The following SMAD5 variants were observed in gnomAD, a reference collection of about 807,000 sequenced individuals.
SMAD5 encodes the protein SMAD family member 5.
Under a neutral mutation model 43.1 loss-of-function variants are expected in SMAD5, and 9 were observed. The ratio of observed to expected loss-of-function variants is 0.21; its 90% confidence interval spans 0.13 to 0.36. SMAD5 has a LOEUF of 0.36. Ranked by LOEUF, SMAD5 falls within the 10% of genes least tolerant of loss-of-function variation. The pLI, the probability that SMAD5 is intolerant of heterozygous loss-of-function variation, is 1.00. For missense variants in SMAD5, 348 were observed against 574.0 expected, an observed-to-expected ratio of 0.61 and a Z score of 4.02; for synonymous variants, 190 against 192.4, an observed-to-expected ratio of 0.99 and a Z score of 0.10.
chr5:136,172,846 AG>A, intron 6 of SMAD5, 191 bp downstream of exon 6: 1 of 574,158 alleles, frequency 1.7e-6, no homozygotes, highest in African/African-American at 1.9e-5. Flanking sequence ...TGTCCTGCTT[AG>A]TGTTTCTTCC....
rs1354191282 is a variant in SMAD5 at position 136,179,487 on chromosome 5, G to A, written c.*2007G>A. On this transcript the variant is annotated 3_prime_UTR_variant, in exon 8 of 8. Transcript: ENST00000545279. ...TGTGAAGAAAAAAAAAAGCATTTTC[G>A]AGGAAAGAATTATGCAATTTCTTTT... The A allele has an allele frequency of 2.0e-5, 3 of 152,030 alleles. No homozygotes were observed. Among genetic ancestry groups the A allele is most frequent in the Admixed American group, 6.6e-5 (1 of 15,206 alleles). 9.4% of individuals were successfully genotyped at this position (152,030 alleles called of 1,614,324 possible). A position where few individuals can be genotyped will look rare whatever the true frequency, so the allele number is the denominator to read the frequency against.
At chr5:136,157,434 ATATT>A (rs1313385968) in intron 3 of SMAD5, among the ~76,000 whole-genome samples, 1 of 152,134 alleles carries the variant, frequency 6.6e-6, no homozygotes, top group Non-Finnish European at 1.5e-5. Flanking sequence ...CAAGCACATT[ATATT>A]TATTGTGCAC....
rs567786783 is a variant in SMAD5, at chr5:136,151,692, G to A, written c.-169-1900G>A. Among the ~76,000 whole-genome samples the A allele has an allele frequency of 2.0e-4, 31 of 151,942 alleles. 1 individual carries two copies. The South Asian group carries it at 5.4e-3, about 26-fold the overall frequency. On this transcript the variant is annotated intron_variant, in intron 2 of 7. Transcript: ENST00000545279. ...CATACACATACTCTCTCACACATAC[G>A]TACACTACCCTATCTAGCCCCCCAT...
At chr5:136,155,576 A>G (rs1753607562) in intron 3 of SMAD5, among the ~76,000 whole-genome samples, 1 of 152,172 alleles carries the variant, frequency 6.6e-6, no homozygotes, top group South Asian at 2.1e-4. Context: ...ACACTTAAAG[A>G]GATTTCTGTA....
At chr5:136,137,497 A>G (rs1473355333) in intron 1 of SMAD5, among the ~76,000 whole-genome samples, 1 of 152,118 alleles carries the variant, frequency 6.6e-6, no homozygotes, top group African/African-American at 2.4e-5. Context: ...ACATCTTTCA[A>G]ATTTAACTAT....
intron 1 of SMAD5, among the ~76,000 whole-genome samples, chr5:136,142,885 C>T (rs893299346): frequency 6.6e-6 from 1 of 152,086 alleles, no homozygotes; most frequent in African/African-American, 2.4e-5. Context: ...TTCCATTACT[C>T]TCTAAGATCT....
chr5:136,176,457 CAAAAAAAAA>C (rs60311104), intron 7 of SMAD5, among the ~76,000 whole-genome samples: 7 of 68,510 alleles, frequency 1.0e-4, no homozygotes, highest in South Asian at 1.5e-3. Flanking sequence ...CTCTGTCTCA[CAAAAAAAAA>C]AAAAAAAAAA....
chr5:136,169,938 A>G lies in SMAD5; in HGVS notation c.776-2496A>G, dbSNP rs115167787. Among the ~76,000 whole-genome samples the G allele has an allele frequency of 3.4e-3, 515 of 152,314 alleles. 8 individuals are homozygous for G. Among genetic ancestry groups the G allele is most frequent in the African/African-American group, 0.012 (479 of 41,562 alleles). ...AGTCTGTGGTGGGCTCCCTACTCATATCTTTTGCCATACTTTAATCAGATT... is the reference window on the plus strand; with the variant it reads ...AGTCTGTGGTGGGCTCCCTACTCATGTCTTTTGCCATACTTTAATCAGATT... On this transcript the variant is annotated intron_variant, in intron 5 of 7. Coordinates refer to ENST00000545279, the MANE Select transcript of SMAD5 (RefSeq NM_005903.7).
intron 1 of SMAD5, chr5:136,147,340 A>T (rs188679055): frequency 5.9e-5 from 9 of 151,990 alleles, no homozygotes; most frequent in Non-Finnish European, 1.3e-4. Context: ...TGGTATAAAA[A>T]TAAGTTTGAA....
Position 136,165,683 on chromosome 5 carries a change from T to A in SMAD5, c.775+2292T>A, listed in dbSNP as rs1192657038. Among the ~76,000 whole-genome samples, 18 of 142,620 alleles carry A rather than the reference T, an allele frequency of 1.3e-4. No individual in the cohort carries two copies. The South Asian group carries it at 1.6e-3, about 13-fold the overall frequency. 93.6% of individuals were successfully genotyped at this position (142,620 alleles called of 152,430 possible). On this transcript the variant is annotated intron_variant, in intron 5 of 7. Coordinates refer to ENST00000545279, the MANE Select transcript of SMAD5 (RefSeq NM_005903.7). ...TACAATTTTTTTTTTTTTTTTTTTT[T>A]TTTTTTTTTTTTTTTTGTGACTGGC...
rs1024999586 is a variant in SMAD5, at chr5:136,180,573, G to C, written c.*3093G>C. ...GTCTGGTCAGTATTGCCTGGCTGAC[G>C]TGAAATGTAAACTAGTAGGCGTGTT... On this transcript the variant is annotated 3_prime_UTR_variant, in exon 8 of 8. Coordinates refer to ENST00000545279, the MANE Select transcript of SMAD5 (RefSeq NM_005903.7). 1 of 152,130 alleles carries C rather than the reference G, an allele frequency of 6.6e-6. No individual in the cohort carries two copies. The highest frequency in any genetic ancestry group is 6.5e-5 in the Admixed American group (1 of 15,282). The allele number at this position is 152,130 out of a possible 1,614,324, so 9.4% of individuals were successfully genotyped here.
Position 136,147,105 on chromosome 5 carries a change from G to C in SMAD5, c.-244-727G>C, listed in dbSNP as rs1753284431. Among the ~76,000 whole-genome samples the C allele has an allele frequency of 2.0e-5, 3 of 151,480 alleles. No homozygotes were observed. The South Asian group carries it at 6.2e-4, about 31-fold the overall frequency. ...TAAGGAAAAATATTTTTTAAAAAGTGGTACATTGTCTCATCATTTCTGAGA... is the reference window on the plus strand; with the variant it reads ...TAAGGAAAAATATTTTTTAAAAAGTCGTACATTGTCTCATCATTTCTGAGA... On this transcript the variant is annotated intron_variant, in intron 1 of 7. Coordinates refer to ENST00000545279, the MANE Select transcript of SMAD5 (RefSeq NM_005903.7).
chr5:136,136,896 C>T (rs529786688), intron 1 of SMAD5, among the ~76,000 whole-genome samples: 1 of 152,150 alleles, frequency 6.6e-6, no homozygotes, highest in African/African-American at 2.4e-5. Flanking sequence ...GGAGTTTCAC[C>T]TCGTTGGCCA....
chr5:136,161,572 C>T (rs537952417), intron 4 of SMAD5, among the ~76,000 whole-genome samples: 90 of 152,314 alleles, frequency 5.9e-4, no homozygotes, highest in South Asian at 2.1e-3. Context: ...TGATCTTTCA[C>T]CTTTACTGTG....
chr5:136,177,066 G>A (rs1183933479), intron 7 of SMAD5, among the ~76,000 whole-genome samples: 1 of 151,944 alleles, frequency 6.6e-6, no homozygotes, highest in Non-Finnish European at 1.5e-5. Flanking sequence ...ACCTTTCTAA[G>A]ATTAAAAAAA....
At chr5:136,172,783 C>T (rs1393329713) in intron 6 of SMAD5, 128 bp downstream of exon 6, 16 of 668,146 alleles carry the variant, frequency 2.4e-5, no homozygotes, top group South Asian at 3.6e-5. Flanking sequence ...CTTAAGTTGC[C>T]GATATTGAAG....
In SMAD5 at chr5:136,153,607, A is replaced by T; in HGVS notation, c.-154A>T. ...TCTCTTTCAGGACTTGACCCAATGA[A>T]AGAAGCATATGGCACTTGTGAAGAT... On this transcript the variant is annotated 5_prime_UTR_variant, in exon 3 of 8. Transcript: ENST00000545279. 1.7e-6 allele frequency: 1 copy of T among 599,712 alleles called. No homozygotes were observed. The allele number at this position is 599,712 out of a possible 1,614,324, so 37.1% of individuals were successfully genotyped here.
At position 136,179,647 on chromosome 5, in the gene SMAD5, T is replaced by A. The variant is rs1754552406; in HGVS notation, c.*2167T>A. ...AAAGAAATACTTTCTGACAGTCACC[T>A]GAGCCTTAAATGTAAGTATTACATG... On this transcript the variant is annotated 3_prime_UTR_variant, in exon 8 of 8. Coordinates refer to ENST00000545279, the MANE Select transcript of SMAD5 (RefSeq NM_005903.7). The A allele has an allele frequency of 6.6e-6, 1 of 152,216 alleles. No individual in the cohort carries two copies. The highest frequency in any genetic ancestry group is 1.5e-5 in the Non-Finnish European group (1 of 68,034). The allele number at this position is 152,216 out of a possible 1,614,324, so 9.4% of individuals were successfully genotyped here.
chr5:136,153,752 T>G lies in SMAD5; in HGVS notation c.-9T>G. 1 of 1,596,310 alleles carries G rather than the reference T, an allele frequency of 6.3e-7. No individual in the cohort carries two copies. Among genetic ancestry groups the G allele is most frequent in the Non-Finnish European group, 8.5e-7 (1 of 1,170,996 alleles). On this transcript the variant is annotated 5_prime_UTR_variant, in exon 3 of 8. It adds an upstream start codon to the 5' untranslated region. Transcript: ENST00000545279. ...GAGTTACAGGAAGGTCTCCGAAGAT[T>G]TGTGTCAAATGACGTCAATGGCCAG...
Sources: allele counts gnomAD v4.1 joint callset (sites outside exome capture counted in the v4.1 genomes callset), GRCh38; gene constraint gnomAD v4.1.1; transcripts MANE v1.5; gene names NCBI Gene and HGNC (gene_info 2026-07-23, HGNC 2026-07-21).